Variants in SMC6 observed in about 807,000 individuals in gnomAD.
The protein encoded by SMC6 is structural maintenance of chromosomes protein 6.
In SMC6, 79 loss-of-function variants were observed where a neutral mutation model predicts 142.2. That is an observed-to-expected ratio of 0.56 (90% CI 0.46 to 0.67). SMC6 has a LOEUF of 0.67. Among genes scored for constraint, SMC6 ranks in the 30% least tolerant of loss-of-function variants. The pLI is 0.00. For missense variants in SMC6, 1,072 were observed against 1,284.0 expected (o/e 0.83, Z 2.52); for synonymous variants, 411 against 412.4 (o/e 1.00, Z 0.04).
In SMC6 at chr2:17,694,895, T is replaced by A. The variant is rs527673242; in HGVS notation, c.2678+257A>T. Among the ~76,000 whole-genome samples, 4 of 152,356 alleles carry A rather than the reference T, an allele frequency of 2.6e-5. No individual in the cohort carries two copies. The South Asian group carries it at 6.2e-4, about 24-fold the overall frequency. ...TCATTGCTTATGAAGTTGAACATTTTCATGTCTATATGAACCTTATAGATA... is the reference window on the plus strand; with the variant it reads ...TCATTGCTTATGAAGTTGAACATTTACATGTCTATATGAACCTTATAGATA... On this transcript the variant is annotated intron_variant, in intron 23 of 27. Coordinates refer to ENST00000448223, the MANE Select transcript of SMC6 (RefSeq NM_001142286.2).
At chr2:17,711,489 A>G (rs1572309338) in intron 16 of SMC6, among the ~76,000 whole-genome samples, 1 of 152,228 alleles carries the variant, frequency 6.6e-6, no homozygotes, top group Non-Finnish European at 1.5e-5. Flanking sequence ...GCGGAGTTAC[A>G]GGACAAAATG....
intron 26 of SMC6, among the ~76,000 whole-genome samples, chr2:17,667,815 A>G (rs1323068268): frequency 6.6e-6 from 1 of 152,204 alleles, no homozygotes; most frequent in Non-Finnish European, 1.5e-5. Flanking sequence ...ACGCCACTGC[A>G]CTCCAGCCTG....
At chr2:17,715,175 G>T in intron 15 of SMC6, 110 bp from the exon 16 acceptor site, 2 of 988,576 alleles carry the variant, frequency 2.0e-6, no homozygotes, top group Non-Finnish European at 3.0e-6. Flanking sequence ...ATATAAAGCA[G>T]TTTAAATGAC....
intron 3 of SMC6, among the ~76,000 whole-genome samples, chr2:17,745,194 T>C (rs1670681384): frequency 6.6e-6 from 1 of 152,334 alleles, no homozygotes; most frequent in East Asian, 1.9e-4. Flanking sequence ...GGGTCCCTCA[T>C]TGTCTGGTTT....
intron 23 of SMC6, among the ~76,000 whole-genome samples, chr2:17,691,331 T>C (rs557473146): frequency 1.0e-5 from 1 of 97,860 alleles, no homozygotes; most frequent in East Asian, 2.2e-4. Context: ...TGTGTGTGTG[T>C]GTCTCTGTGT....
At chr2:17,667,433 G>A (rs983665110) in intron 26 of SMC6, among the ~76,000 whole-genome samples, 6 of 152,168 alleles carry the variant, frequency 3.9e-5, no homozygotes, top group African/African-American at 1.4e-4. Context: ...TAGACCTGTG[G>A]CTACATTTTC....
Position 17,665,238 on chromosome 2 carries a change from A to C in SMC6, c.*261T>G, listed in dbSNP as rs1341025941. The C allele has an allele frequency of 1.6e-5, 4 of 243,998 alleles. No individual in the cohort carries two copies. The allele number at this position is 243,998 out of a possible 1,614,324, so 15.1% of individuals were successfully genotyped here. A position where few individuals can be genotyped will look rare whatever the true frequency, so the allele number is the denominator to read the frequency against. On this transcript the variant is annotated 3_prime_UTR_variant, in exon 28 of 28. Transcript: ENST00000448223. ...TTTACTTCTGAAAAAGAACCTATAA[A>C]AATAGATCGTATTAAAAAAACTTAA... is the stretch of plus-strand genomic sequence containing the variant.
chr2:17,707,281 A>G lies in SMC6; in HGVS notation c.1944T>C (p.Arg648=). ...GTCTTGTATTTTCAGATGAATAATA[A>G]CGTCCTGCAAAAACTTGATCACCAT... ...TADGDQVFAG[R]YYSSENTRPK... is the part of the protein sequence containing the mutation. The change falls in exon 18 of 28, where the codon CGT becomes CGC. Residue 648 remains arginine (R), a synonymous_variant. Transcript: ENST00000448223. The G allele has an allele frequency of 6.2e-7, 1 of 1,603,190 alleles. No homozygotes were observed. The highest frequency in any genetic ancestry group is 1.1e-5 in the South Asian group (1 of 88,918).
chr2:17,692,105 A>C (rs1339913106), intron 23 of SMC6, among the ~76,000 whole-genome samples: 1 of 152,210 alleles, frequency 6.6e-6, no homozygotes, highest in Non-Finnish European at 1.5e-5. Flanking sequence ...AGGAAGAATC[A>C]ATATCGTGAA....
At chr2:17,709,998 G>A (rs1376260898) in intron 16 of SMC6, among the ~76,000 whole-genome samples, 1 of 152,210 alleles carries the variant, frequency 6.6e-6, no homozygotes, top group African/African-American at 2.4e-5. Context: ...AGATCATCCA[G>A]GCCTAGAGGT....
At chr2:17,743,700 T>C (rs570794431) in intron 3 of SMC6, among the ~76,000 whole-genome samples, 46 of 152,146 alleles carry the variant, frequency 3.0e-4, no homozygotes, top group Non-Finnish European at 6.0e-4. Context: ...TTTAGTATAG[T>C]ACAGTTATTT....
At chr2:17,670,596 A>T in intron 25 of SMC6, 21 bp from the exon 26 acceptor site, 1 of 1,503,404 alleles carries the variant, frequency 6.7e-7, no homozygotes, top group Non-Finnish European at 8.8e-7. Flanking sequence ...ATGAGTTGAC[A>T]AGGAACAAAA....
chr2:17,683,812 A>G (rs1667333744), intron 23 of SMC6, 49 bp from the exon 24 acceptor site: 2 of 1,535,150 alleles, frequency 1.3e-6, no homozygotes, highest in South Asian at 2.3e-5. Flanking sequence ...CACGTAAAAA[A>G]CATAACAGTA....
At chr2:17,683,433 A>C (rs571425759) in intron 24 of SMC6, among the ~76,000 whole-genome samples, 1 of 152,176 alleles carries the variant, frequency 6.6e-6, no homozygotes, top group African/African-American at 2.4e-5. Flanking sequence ...AGCATAAAGA[A>C]TATCTAACAG....
At chr2:17,695,441 A>G in intron 22 of SMC6, 144 bp from the exon 23 acceptor site, 1 of 650,584 alleles carries the variant, frequency 1.5e-6, no homozygotes, top group Non-Finnish European at 2.5e-6. Context: ...AATGTTATTT[A>G]TATTTATCTA....
chr2:17,723,024 GA>G (rs926813678), intron 9 of SMC6, among the ~76,000 whole-genome samples: 4 of 142,074 alleles, frequency 2.8e-5, no homozygotes, highest in African/African-American at 8.1e-5. Flanking sequence ...GAAAAGAAAG[GA>G]AAAAAAAAGA....
intron 23 of SMC6, among the ~76,000 whole-genome samples, chr2:17,689,702 T>G (rs1032097285): frequency 4.6e-5 from 7 of 152,238 alleles, no homozygotes; most frequent in Admixed American, 3.9e-4. Flanking sequence ...ATGAATCCCT[T>G]TTATAAATGT....
chr2:17,705,450 C>G (rs753911255), intron 18 of SMC6, among the ~76,000 whole-genome samples: 31 of 151,864 alleles, frequency 2.0e-4, no homozygotes, highest in Non-Finnish European at 4.0e-4. Context: ...TGCCTGTACT[C>G]CCAGGTACTC....
intron 18 of SMC6, among the ~76,000 whole-genome samples, chr2:17,705,332 T>G (rs1227898892): frequency 6.6e-6 from 1 of 151,216 alleles, no homozygotes; most frequent in African/African-American, 2.4e-5. Context: ...ATCTCAGCAC[T>G]TTAGGAGGTG....
Sources: gnomAD v4.1 joint callset for allele counts (sites outside exome capture counted in the v4.1 genomes callset) on GRCh38, gnomAD v4.1.1 for gene constraint, MANE v1.5 for transcripts, NCBI Gene and HGNC (gene_info 2026-07-23, HGNC 2026-07-21) for gene names.